Variants in DNAJC18 observed in about 807,000 individuals in gnomAD.
The protein encoded by DNAJC18 is dnaJ homolog subfamily C member 18.
A neutral mutation model predicts 48.6 loss-of-function variants in DNAJC18; 40 were observed. The observed-to-expected ratio is 0.82, with a 90% CI of 0.64 to 1.07. The LOEUF (loss-of-function observed/expected upper bound fraction) is 1.07, where lower values mean the gene tolerates loss of function less well. Ranked by LOEUF, DNAJC18 falls within the 50% of genes least tolerant of loss-of-function variation. The pLI is 0.00. For missense variants in DNAJC18, 340 were observed against 427.7 expected (o/e 0.79, Z 1.81); for synonymous variants, 135 against 152.2 (o/e 0.89, Z 0.83).
At chr5:139,415,931 T>C (rs746572370) in intron 7 of DNAJC18, among the ~76,000 whole-genome samples, 1 of 152,248 alleles carries the variant, frequency 6.6e-6, no homozygotes, top group African/African-American at 2.4e-5. Context: ...TGACTCTTTA[T>C]ATTTTCTACA....
chr5:139,425,050 A>G lies in DNAJC18; in HGVS notation c.624T>C (p.His208=), dbSNP rs1204067708. The G allele has an allele frequency of 1.2e-6, 2 of 1,613,164 alleles. No homozygotes were observed. The highest frequency in any genetic ancestry group is 2.7e-5 in the African/African-American group (2 of 74,826). The change falls in exon 5 of 8, where the codon CAT becomes CAC. Residue 208 remains histidine (H), a synonymous_variant. Transcript: ENST00000302060. ...CCTCCTTCTGAGTCTGTGTCCTCTCATGTCGGTGCCGTCGACGGTAATAGT... is the reference window on the plus strand; with the variant it reads ...CCTCCTTCTGAGTCTGTGTCCTCTCGTGTCGGTGCCGTCGACGGTAATAGT... ...DTYYYRRRHR[H]ERTQTQKEEE... is the part of the protein sequence containing the mutation.
rs183528347 is a variant in DNAJC18, at chr5:139,437,267, T to G, written c.227+105A>C. 740 of 1,180,142 alleles carry G rather than the reference T, an allele frequency of 6.3e-4. 12 individuals are homozygous for G. In the East Asian group the frequency reaches 0.018, roughly 29 times the overall value. The allele number at this position is 1,180,142 out of a possible 1,614,324, so 73.1% of individuals were successfully genotyped here. The stretch of plus-strand genomic sequence containing the variant: ...TCAAGAAGCTAGTATGCCTCAATTA[T>G]CATCATCATCATCATTATCATCAGT... On this transcript the variant is annotated intron_variant, in intron 2 of 7. Transcript: ENST00000302060.
In DNAJC18 at chr5:139,439,203, A is replaced by G. The variant is rs1256498809; in HGVS notation, c.40+203T>C. Reference sequence around the variant, plus strand: ...GCGGGGCTGGGGGCCGGAGGCAACAAGTCGTCACCGGTGACTCTGGGCTCG... The same window carrying G: ...GCGGGGCTGGGGGCCGGAGGCAACAGGTCGTCACCGGTGACTCTGGGCTCG... On this transcript the variant is annotated intron_variant, in intron 1 of 7. Transcript: ENST00000302060. This position sits in a 1 kb window ranked among gnomAD's most constrained non-coding sequence, Gnocchi z 4.1. 6.6e-6 allele frequency among the ~76,000 whole-genome samples: 1 copy of G among 151,830 alleles called. No individual in the cohort carries two copies. Among genetic ancestry groups the G allele is most frequent in the Non-Finnish European group, 1.5e-5 (1 of 67,948 alleles).
chr5:139,427,274 CAT>C, intron 3 of DNAJC18, among the ~76,000 whole-genome samples: 1 of 152,192 alleles, frequency 6.6e-6, no homozygotes, highest in Admixed American at 6.5e-5. Context: ...TGAATAGTTA[CAT>C]ATGTTTACCA....
chr5:139,425,176 T>G, intron 4 of DNAJC18, 62 bp from the exon 5 acceptor site: 1 of 1,447,148 alleles, frequency 6.9e-7, no homozygotes, highest in Non-Finnish European at 9.5e-7. Flanking sequence ...TTTTCTTTTT[T>G]TTTTGGAGAT....
At chr5:139,416,183 A>G (rs1185744201) in intron 7 of DNAJC18, among the ~76,000 whole-genome samples, 1 of 152,218 alleles carries the variant, frequency 6.6e-6, no homozygotes, top group Non-Finnish European at 1.5e-5. Flanking sequence ...CTTGAAGAAT[A>G]TGCTACTTTT....
chr5:139,426,323 A>G lies in DNAJC18; in HGVS notation c.408T>C (p.Pro136=). 1 of 1,614,192 alleles carries G rather than the reference A, an allele frequency of 6.2e-7. No individual in the cohort carries two copies. Among genetic ancestry groups the G allele is most frequent in the South Asian group, 1.1e-5 (1 of 91,086 alleles). ...IGNAFAVLSN[P]DKRLRYDEYG... The stretch of plus-strand genomic sequence containing the variant: ...ATTCATCATAGCGAAGTCTCTTATC[A>G]GGATTGCTCAGGACTGCAAATGCAT... Residue 136 remains proline (P), a synonymous_variant, in exon 4 of 8, where the codon CCT becomes CCC. Coordinates refer to ENST00000302060, the MANE Select transcript of DNAJC18 (RefSeq NM_152686.4).
intron 7 of DNAJC18, among the ~76,000 whole-genome samples, chr5:139,417,568 ATTTTTTT>A (rs762169642): frequency 3.5e-5 from 4 of 114,474 alleles, no homozygotes; most frequent in South Asian, 2.9e-4. Flanking sequence ...TACTCACTGG[ATTTTTTT>A]TTTTTTTTTT....
chr5:139,416,481 T>C (rs552676753), intron 7 of DNAJC18, among the ~76,000 whole-genome samples: 21 of 152,136 alleles, frequency 1.4e-4, no homozygotes, highest in Non-Finnish European at 3.1e-4. Context: ...TCCAGCCCCA[T>C]GAGATGGTGC....
intron 7 of DNAJC18, among the ~76,000 whole-genome samples, chr5:139,417,568 A>ATTTTT: frequency 8.7e-6 from 1 of 114,474 alleles, no homozygotes; most frequent in Non-Finnish European, 1.8e-5. Flanking sequence ...TACTCACTGG[A>ATTTTT]TTTTTTTTTT....
chr5:139,418,202 G>A (rs893714972), intron 7 of DNAJC18, among the ~76,000 whole-genome samples: 3 of 152,088 alleles, frequency 2.0e-5, no homozygotes, highest in African/African-American at 7.2e-5. Context: ...ACAGGATCTC[G>A]CTCTGTGGCC....
At chr5:139,422,147 T>A (rs897768516) in intron 6 of DNAJC18, among the ~76,000 whole-genome samples, 1 of 152,176 alleles carries the variant, frequency 6.6e-6, no homozygotes, top group Non-Finnish European at 1.5e-5. Flanking sequence ...TGCCTGTTGA[T>A]GCTGACGATG....
At chr5:139,434,408 C>T (rs573911638) in intron 2 of DNAJC18, among the ~76,000 whole-genome samples, 2 of 152,134 alleles carry the variant, frequency 1.3e-5, no homozygotes, top group Non-Finnish European at 2.9e-5. Flanking sequence ...ACCTCAGCCT[C>T]GAACTCCTGG....
At chr5:139,422,969 G>T in intron 5 of DNAJC18, 152 bp from the exon 6 acceptor site, 1 of 447,660 alleles carries the variant, frequency 2.2e-6, no homozygotes, top group Non-Finnish European at 3.9e-6. Context: ...CCGAGTAGCT[G>T]GGACTACAGG....
At chr5:139,426,023 A>C (rs1759238032) in intron 4 of DNAJC18, 149 bp downstream of exon 4, 5 of 849,980 alleles carry the variant, frequency 5.9e-6, no homozygotes, top group Middle Eastern at 3.7e-4. Context: ...TGGGGGCTGG[A>C]GACTTGCCTC....
At chr5:139,414,503 A>C (rs566847220) in intron 7 of DNAJC18, among the ~76,000 whole-genome samples, 1 of 152,358 alleles carries the variant, frequency 6.6e-6, no homozygotes, top group African/African-American at 2.4e-5. Context: ...CTCTCTTATA[A>C]AAGCACTGGA....
chr5:139,421,429 C>T (rs1310071748), intron 6 of DNAJC18, among the ~76,000 whole-genome samples: 1 of 150,328 alleles, frequency 6.7e-6, no homozygotes, highest in African/African-American at 2.5e-5. Flanking sequence ...AGCCTGGGAG[C>T]CTGGGTGACA....
rs77293090 is a variant in DNAJC18 at position 139,413,362 on chromosome 5, A to C, written c.*786T>G. On this transcript the variant is annotated 3_prime_UTR_variant, in exon 8 of 8. Transcript: ENST00000302060. ...AACTCAGCCTAAGTGCGATGACACCAATGATGATACTGAGGGGAAATGACC... is the reference window on the plus strand; with the variant it reads ...AACTCAGCCTAAGTGCGATGACACCCATGATGATACTGAGGGGAAATGACC... 9.0e-3 allele frequency: 1,386 copies of C among 153,570 alleles called. 22 individuals are homozygous for C. Among genetic ancestry groups the C allele is most frequent in the African/African-American group, 0.032 (1,328 of 41,608 alleles). 9.5% of individuals were successfully genotyped at this position (153,570 alleles called of 1,614,324 possible).
intron 5 of DNAJC18, among the ~76,000 whole-genome samples, chr5:139,423,892 C>A (rs1318949292): frequency 6.6e-6 from 1 of 152,160 alleles, no homozygotes; most frequent in Non-Finnish European, 1.5e-5. Flanking sequence ...GATTGACACC[C>A]AGTAATCCCC....
Sources: gnomAD v4.1 joint callset for allele counts (sites outside exome capture counted in the v4.1 genomes callset) on GRCh38, gnomAD v4.1.1 for gene constraint, Gnocchi (gnomAD v3.1) non-coding constraint, MANE v1.5 for transcripts, NCBI Gene and HGNC (gene_info 2026-07-23, HGNC 2026-07-21) for gene names.